The following CDH12 variants were observed in gnomAD, a reference collection of about 807,000 sequenced individuals.
CDH12 encodes the protein cadherin-12.
A neutral mutation model predicts 74.1 loss-of-function variants in CDH12; 41 were observed. The ratio of observed to expected loss-of-function variants is 0.55; its 90% CI spans 0.43 to 0.72. CDH12 has a LOEUF of 0.72. Ranked by LOEUF, CDH12 falls within the 30% of genes least tolerant of loss-of-function variation. CDH12 has a pLI of 0.00. For missense variants in CDH12, 945 were observed against 977.2 expected (o/e 0.97, Z 0.44); for synonymous variants, 399 against 355.0 (o/e 1.12, Z -1.39).
chr5:22,033,036 CAAAA>C (rs11312264), intron 5 of CDH12, among the ~76,000 whole-genome samples: 2 of 111,902 alleles, frequency 1.8e-5, no homozygotes. Context: ...ATCTTGCTTC[CAAAA>C]AAAAAAAAAA....
chr5:22,615,144 T>G (rs1460258281), intron 1 of CDH12, among the ~76,000 whole-genome samples: 2 of 152,106 alleles, frequency 1.3e-5, no homozygotes, highest in Admixed American at 1.3e-4. Context: ...TAGTACTGTA[T>G]AGAACTTCAT....
intron 10 of CDH12, among the ~76,000 whole-genome samples, chr5:21,801,699 C>T (rs1747119552): frequency 6.6e-6 from 1 of 152,138 alleles, no homozygotes; most frequent in African/African-American, 2.4e-5. Context: ...AAGTTTGTTA[C>T]ACTGGAAAAA....
chr5:22,753,097 C>G (rs547117582), intron 1 of CDH12, among the ~76,000 whole-genome samples: 1 of 152,068 alleles, frequency 6.6e-6, no homozygotes, highest in Non-Finnish European at 1.5e-5. Context: ...TGAGAAAGAG[C>G]GAGGCATGTT....
intron 6 of CDH12, among the ~76,000 whole-genome samples, chr5:21,914,103 C>T (rs1331275984): frequency 2.0e-5 from 3 of 152,130 alleles, no homozygotes. Context: ...GGCATTATTG[C>T]TTTCATTTTC....
chr5:22,051,155 G>A (rs1050332294), intron 5 of CDH12, among the ~76,000 whole-genome samples: 1 of 152,018 alleles, frequency 6.6e-6, no homozygotes, highest in Admixed American at 6.6e-5. Context: ...GTGGAGAGAT[G>A]GACAGCTCCT....
chr5:22,826,410 G>A (rs752902497), intron 1 of CDH12, among the ~76,000 whole-genome samples: 13 of 152,124 alleles, frequency 8.5e-5, no homozygotes, highest in Non-Finnish European at 1.8e-4. Flanking sequence ...CATGAAAATA[G>A]ATAAATACAG....
At chr5:22,776,082 A>G (rs1269423506) in intron 1 of CDH12, among the ~76,000 whole-genome samples, 1 of 152,098 alleles carries the variant, frequency 6.6e-6, no homozygotes, top group African/African-American at 2.4e-5. Context: ...TTTGCTTTCC[A>G]GTCTCAGGTA....
At chr5:22,433,325 G>A (rs1050476927) in intron 2 of CDH12, among the ~76,000 whole-genome samples, 14 of 152,174 alleles carry the variant, frequency 9.2e-5, no homozygotes, top group Middle Eastern at 3.4e-3. Context: ...CTGATTAACA[G>A]AATAAAGTAC....
At position 22,407,412 on chromosome 5, in the gene CDH12, C is replaced by T. The variant is rs550928878; in HGVS notation, c.-427-2061G>A. Reference sequence around the variant, plus strand: ...TAGTTTAAAATCCACTTCATTTTCTCCACCAAATTATTATGTCAGTTAATA... The same window carrying T: ...TAGTTTAAAATCCACTTCATTTTCTTCACCAAATTATTATGTCAGTTAATA... On this transcript the variant is annotated intron_variant, in intron 2 of 14. Transcript: ENST00000382254. Among the ~76,000 whole-genome samples, 20 of 152,188 alleles carry T rather than the reference C, an allele frequency of 1.3e-4. No homozygotes were observed. In the South Asian group the frequency reaches 4.1e-3, roughly 32 times the overall value.
At chr5:22,387,143 T>G (rs1742031613) in intron 3 of CDH12, among the ~76,000 whole-genome samples, 1 of 152,032 alleles carries the variant, frequency 6.6e-6, no homozygotes, top group Non-Finnish European at 1.5e-5. Flanking sequence ...AAATAGAGGA[T>G]GCTTTTTCTT....
intron 1 of CDH12, among the ~76,000 whole-genome samples, chr5:22,722,363 TCA>T (rs1561602985): frequency 6.6e-6 from 1 of 152,222 alleles, no homozygotes; most frequent in African/African-American, 2.4e-5. Flanking sequence ...CAGAGTTATA[TCA>T]CAAAGCCACG....
intron 6 of CDH12, chr5:21,883,977 A>C: frequency 6.3e-7 from 1 of 1,596,320 alleles, no homozygotes; most frequent in Non-Finnish European, 8.6e-7. Flanking sequence ...AGATCAAAAA[A>C]TTGGTATGGA....
chr5:21,886,247 TC>T (rs1467669925), intron 6 of CDH12, among the ~76,000 whole-genome samples: 1 of 151,970 alleles, frequency 6.6e-6, no homozygotes, highest in African/African-American at 2.4e-5. Flanking sequence ...GGAAAAAGTT[TC>T]TTCATCTTTG....
At chr5:21,912,405 G>C in intron 6 of CDH12, among the ~76,000 whole-genome samples, 1 of 151,696 alleles carries the variant, frequency 6.6e-6, no homozygotes, top group East Asian at 1.9e-4. Context: ...TACATAATGA[G>C]ATTTTAAATG....
intron 1 of CDH12, among the ~76,000 whole-genome samples, chr5:22,541,210 G>C (rs138930143): frequency 2.6e-5 from 4 of 152,184 alleles, no homozygotes; most frequent in African/African-American, 4.8e-5. Context: ...TCAGATACTT[G>C]AGTGACACTT....
chr5:22,476,147 C>G (rs985170549), intron 2 of CDH12, among the ~76,000 whole-genome samples: 2 of 152,102 alleles, frequency 1.3e-5, no homozygotes, highest in South Asian at 4.1e-4. Context: ...TCACTATCAG[C>G]TATCTACTTA....
chr5:22,621,831 A>C (rs1737988639), intron 1 of CDH12, among the ~76,000 whole-genome samples: 1 of 151,908 alleles, frequency 6.6e-6, no homozygotes, highest in Non-Finnish European at 1.5e-5. Flanking sequence ...GCTGGTAAAT[A>C]AAAAAAATCG....
At chr5:22,320,902 C>A (rs563057974) in intron 3 of CDH12, among the ~76,000 whole-genome samples, 2 of 152,170 alleles carry the variant, frequency 1.3e-5, no homozygotes, top group Admixed American at 1.3e-4. Context: ...GGGGTCAGAA[C>A]ATATTTTGAA....
intron 6 of CDH12, among the ~76,000 whole-genome samples, chr5:21,966,085 A>G (rs1756567568): frequency 2.0e-5 from 3 of 151,486 alleles, no homozygotes; most frequent in Admixed American, 1.3e-4. Flanking sequence ...ACGCTGATAC[A>G]TATGTATTAG....
Sources: gnomAD v4.1 joint callset for allele counts (sites outside exome capture counted in the v4.1 genomes callset) on GRCh38, gnomAD v4.1.1 for gene constraint, MANE v1.5 for transcripts, NCBI Gene and HGNC (gene_info 2026-07-23, HGNC 2026-07-21) for gene names.